The following RARB variants were observed in gnomAD, a reference collection of about 807,000 sequenced individuals.
RARB encodes the protein HBV-activated protein.
A neutral mutation model predicts 51.9 loss-of-function variants in RARB; 17 were observed. The observed-to-expected ratio is 0.33, with a 90% confidence interval of 0.22 to 0.49. The LOEUF (loss-of-function observed/expected upper bound fraction) is 0.49. Among genes scored for constraint, RARB ranks in the 20% least tolerant of loss-of-function variants. The probability of loss-of-function intolerance (pLI) is 0.99; values close to 1 mark genes in which losing one functional copy is unlikely to be tolerated. For missense variants in RARB, 369 were observed against 550.8 expected (o/e 0.67, Z 3.30); for synonymous variants, 215 against 195.4 (o/e 1.10, Z -0.84).
intron 5 of RARB, among the ~76,000 whole-genome samples, chr3:25,264,387 G>T (rs962846121): frequency 6.6e-6 from 1 of 151,962 alleles, no homozygotes; most frequent in Non-Finnish European, 1.5e-5. Flanking sequence ...TAAGGCAAAG[G>T]CTAAGACCCA....
chr3:25,395,647 T>C (rs539100829), intron 5 of RARB, among the ~76,000 whole-genome samples: 2 of 152,304 alleles, frequency 1.3e-5, no homozygotes, highest in African/African-American at 4.8e-5. Flanking sequence ...GAAAGCCCTG[T>C]CATCAAGCTC....
chr3:25,285,801 G>C (rs1703635922), intron 5 of RARB, among the ~76,000 whole-genome samples: 1 of 152,158 alleles, frequency 6.6e-6, no homozygotes, highest in South Asian at 2.1e-4. Flanking sequence ...GAAGAAAGAA[G>C]ATTATGTACA....
intron 2 of RARB, among the ~76,000 whole-genome samples, chr3:24,953,739 C>G (rs1559409633): frequency 6.6e-6 from 1 of 152,146 alleles, no homozygotes; most frequent in East Asian, 1.9e-4. Context: ...AAAAATAGAA[C>G]TCTCTTTACT....
intron 3 of RARB, among the ~76,000 whole-genome samples, chr3:25,519,804 A>T (rs903843765): frequency 1.3e-5 from 2 of 152,210 alleles, no homozygotes; most frequent in Non-Finnish European, 1.5e-5. Context: ...TGATTTTCTA[A>T]CACTAAGTAA....
At chr3:25,433,823 C>G (rs1708308146) in intron 1 of RARB, among the ~76,000 whole-genome samples, 1 of 152,196 alleles carries the variant, frequency 6.6e-6, no homozygotes, top group Admixed American at 6.5e-5. Context: ...AAAGCATGAT[C>G]TCTGTCCCAT....
intron 2 of RARB, among the ~76,000 whole-genome samples, chr3:24,966,729 C>A (rs992197024): frequency 2.5e-4 from 38 of 151,546 alleles, no homozygotes; most frequent in African/African-American, 9.2e-4. Context: ...ATGGGTTCAC[C>A]CACTTTAAAG....
chr3:25,355,400 A>C (rs368153229), intron 5 of RARB, among the ~76,000 whole-genome samples: 2 of 152,034 alleles, frequency 1.3e-5, no homozygotes, highest in African/African-American at 4.8e-5. Flanking sequence ...ATCTGAGATA[A>C]TCTGATGGAA....
intron 2 of RARB, among the ~76,000 whole-genome samples, chr3:25,468,950 A>T (rs1695568927): frequency 6.6e-6 from 1 of 152,264 alleles, no homozygotes; most frequent in African/African-American, 2.4e-5. Context: ...GGCCTGGCAC[A>T]GCCGTGATGG....
At chr3:25,309,262 T>G (rs1472126308) in intron 5 of RARB, among the ~76,000 whole-genome samples, 2 of 146,422 alleles carry the variant, frequency 1.4e-5, no homozygotes. Context: ...TGCCTCAGCC[T>G]CAACTGAGAC....
intron 2 of RARB, among the ~76,000 whole-genome samples, chr3:25,022,608 T>C (rs1041272989): frequency 6.6e-6 from 1 of 152,220 alleles, no homozygotes; most frequent in African/African-American, 2.4e-5. Context: ...CTTGGCACTT[T>C]CAGTCTTTTT....
At chr3:25,264,322 T>C (rs73151296) in intron 5 of RARB, among the ~76,000 whole-genome samples, 9,276 of 152,150 alleles carry the variant, frequency 0.061, 330 homozygotes, top group African/African-American at 0.1. Flanking sequence ...AAAGGGAAAC[T>C]GGTTTTTCTC....
intron 5 of RARB, among the ~76,000 whole-genome samples, chr3:25,405,744 A>G (rs969085012): frequency 3.3e-5 from 5 of 152,222 alleles, no homozygotes; most frequent in Non-Finnish European, 5.9e-5. Context: ...GCATTATTAT[A>G]GGGCACAGAT....
chr3:25,539,478 T>C (rs1396577239), intron 3 of RARB, among the ~76,000 whole-genome samples: 1 of 151,266 alleles, frequency 6.6e-6, no homozygotes, highest in East Asian at 1.9e-4. Context: ...TGTGGTATGC[T>C]TCAGGAATGC....
chr3:25,401,413 A>G (rs1707260120), intron 5 of RARB, among the ~76,000 whole-genome samples: 1 of 152,208 alleles, frequency 6.6e-6, no homozygotes, highest in Admixed American at 6.5e-5. Flanking sequence ...TCCTCGCTCT[A>G]CCAAAACTTA....
chr3:25,334,914 C>T (rs1705019942), intron 5 of RARB, among the ~76,000 whole-genome samples: 1 of 147,414 alleles, frequency 6.8e-6, no homozygotes, highest in South Asian at 2.1e-4. Context: ...TGTTGGTCAC[C>T]TTCTTTTTTC....
chr3:25,274,815 G>A (rs534557813), intron 5 of RARB, among the ~76,000 whole-genome samples: 1 of 152,060 alleles, frequency 6.6e-6, no homozygotes, highest in Admixed American at 6.5e-5. Flanking sequence ...AATACATAAG[G>A]CATCTTAGGG....
chr3:25,116,968 T>C (rs1416036733), intron 3 of RARB, among the ~76,000 whole-genome samples: 1 of 152,178 alleles, frequency 6.6e-6, no homozygotes, highest in Non-Finnish European at 1.5e-5. Flanking sequence ...AACATAAGAA[T>C]AAGAGCAACT....
At chr3:25,426,108 C>T (rs548266576), upstream of RARB, among the ~76,000 whole-genome samples, 2 of 152,284 alleles carry the variant, frequency 1.3e-5, no homozygotes, top group East Asian at 1.9e-4. Flanking sequence ...GAGCCATAAG[C>T]CTCATGGACC....
intron 2 of RARB, among the ~76,000 whole-genome samples, chr3:24,909,944 T>C (rs1694955279): frequency 1.3e-5 from 2 of 152,238 alleles, no homozygotes; most frequent in Non-Finnish European, 1.5e-5. Context: ...CGAATTTCTA[T>C]ATATTTTTTC....
Sources: gnomAD v4.1 joint callset for allele counts (sites outside exome capture counted in the v4.1 genomes callset) on GRCh38, gnomAD v4.1.1 for gene constraint, MANE v1.5 for transcripts, NCBI Gene and HGNC (gene_info 2026-07-23, HGNC 2026-07-21) for gene names.